Variants in POLQ observed in about 807,000 individuals in gnomAD.
POLQ encodes DNA polymerase theta.
Under a neutral mutation model 259.2 loss-of-function variants are expected in POLQ, and 233 were observed. That is an observed-to-expected ratio of 0.90 (90% confidence interval 0.81 to 1.00). POLQ has a LOEUF of 1.00. Among genes scored for constraint, POLQ ranks in the 50% least tolerant of loss-of-function variants. The probability of loss-of-function intolerance (pLI) is 0.00; values close to 1 mark genes in which losing one functional copy is unlikely to be tolerated. For missense variants in POLQ, 2,871 were observed against 3,051.6 expected (o/e 0.94, Z 1.39); for synonymous variants, 1,025 against 1,048.8 (o/e 0.98, Z 0.44).
chr3:121,531,253 T>C (rs2048410157), intron 6 of POLQ, among the ~76,000 whole-genome samples: 2 of 152,070 alleles, frequency 1.3e-5, no homozygotes, highest in South Asian at 2.1e-4. Context: ...ATAGAGACCA[T>C]GTAAGGGAGA....
intron 26 of POLQ, among the ~76,000 whole-genome samples, chr3:121,448,292 A>G (rs1251728128): frequency 6.6e-6 from 1 of 151,960 alleles, no homozygotes; most frequent in African/African-American, 2.4e-5. Context: ...TGCTATATTA[A>G]GAGACTCTGA....
In POLQ at chr3:121,432,179, A is replaced by C; in HGVS notation, c.*125T>G. The C allele has an allele frequency of 2.3e-6, 2 of 855,554 alleles. No individual in the cohort carries two copies. The highest frequency in any genetic ancestry group is 3.4e-6 in the Non-Finnish European group (2 of 586,808). 53.0% of individuals were successfully genotyped at this position (855,554 alleles called of 1,614,324 possible). On this transcript the variant is annotated 3_prime_UTR_variant, in exon 30 of 30. Transcript: ENST00000264233. ...AGTTTGAAACTCTCACTATAAAATT[A>C]CTAGGCTAAGTCTATCAAGACTTGA... is the stretch of plus-strand genomic sequence containing the variant.
At chr3:121,448,453 G>A (rs569624663) in intron 26 of POLQ, among the ~76,000 whole-genome samples, 19 of 151,774 alleles carry the variant, frequency 1.3e-4, no homozygotes, top group East Asian at 9.7e-4. Flanking sequence ...CTGCACCTCC[G>A]CCTCCCAGGT....
intron 24 of POLQ, among the ~76,000 whole-genome samples, chr3:121,462,599 C>T (rs938141606): frequency 9.9e-5 from 15 of 152,194 alleles, no homozygotes; most frequent in African/African-American, 4.8e-5. Context: ...CGCCAAAGAA[C>T]AGACACTGAA....
At chr3:121,529,570 G>A in intron 7 of POLQ, 75 bp downstream of exon 7, 1 of 1,365,066 alleles carries the variant, frequency 7.3e-7, no homozygotes, top group Non-Finnish European at 1.0e-6. Context: ...CCATGTTTTT[G>A]CTAATATAAT....
At chr3:121,507,137 GAAGGGAT>G (rs2048214561) in intron 12 of POLQ, among the ~76,000 whole-genome samples, 1 of 152,172 alleles carries the variant, frequency 6.6e-6, no homozygotes, top group Admixed American at 6.5e-5. Flanking sequence ...AAAAGGCATG[GAAGGGAT>G]GGATATAGGA....
intron 12 of POLQ, among the ~76,000 whole-genome samples, chr3:121,499,553 C>G (rs934852564): frequency 1.3e-5 from 2 of 152,126 alleles, no homozygotes; most frequent in African/African-American, 4.8e-5. Flanking sequence ...CTGCGCCCGG[C>G]CAGAACCTAA....
intron 9 of POLQ, among the ~76,000 whole-genome samples, chr3:121,518,688 C>T (rs1375437495): frequency 6.6e-6 from 1 of 152,146 alleles, no homozygotes; most frequent in African/African-American, 2.4e-5. Context: ...TATCCATTTC[C>T]CATCCACTTT....
intron 12 of POLQ, among the ~76,000 whole-genome samples, chr3:121,507,927 C>A (rs1209625084): frequency 6.6e-6 from 1 of 151,792 alleles, no homozygotes; most frequent in Non-Finnish European, 1.5e-5. Flanking sequence ...GATCATAGCT[C>A]ACTATAACCT....
At chr3:121,544,689 TC>T (rs780918610) in intron 2 of POLQ, 37 bp downstream of exon 2, 1 of 1,334,268 alleles carries the variant, frequency 7.5e-7, no homozygotes, top group Non-Finnish European at 1.1e-6. Context: ...TACATTCATA[TC>T]TTAAAAATAG....
intron 19 of POLQ, among the ~76,000 whole-genome samples, chr3:121,477,499 G>T (rs2047936315): frequency 6.6e-6 from 1 of 152,006 alleles, no homozygotes; most frequent in Non-Finnish European, 1.5e-5. Context: ...AACACTTCTG[G>T]TCCCACATTT....
chr3:121,499,244 A>C (rs530469271), intron 12 of POLQ, among the ~76,000 whole-genome samples: 2 of 151,162 alleles, frequency 1.3e-5, no homozygotes, highest in African/African-American at 2.4e-5. Context: ...AAGCATACAA[A>C]CTGGATTTTA....
chr3:121,523,120 ATCC>A (rs1026704751), intron 7 of POLQ, among the ~76,000 whole-genome samples: 17 of 152,094 alleles, frequency 1.1e-4, no homozygotes, highest in Middle Eastern at 3.4e-3. Context: ...GGCTCAAGCA[ATCC>A]TCCTACCTCA....
At chr3:121,470,800 A>G (rs974532247) in intron 22 of POLQ, among the ~76,000 whole-genome samples, 1 of 152,086 alleles carries the variant, frequency 6.6e-6, no homozygotes, top group East Asian at 1.9e-4. Context: ...CTATAGAGAC[A>G]TGGTTTTGAC....
intron 12 of POLQ, among the ~76,000 whole-genome samples, chr3:121,508,968 A>G (rs2048231209): frequency 1.3e-5 from 1 of 78,112 alleles, no homozygotes; most frequent in Non-Finnish European, 2.8e-5. Flanking sequence ...TCTAATATAA[A>G]CAAACTTAAA....
In POLQ at chr3:121,539,426, T is replaced by G. The variant is rs546818290; in HGVS notation, c.631+7A>C. 1 of 1,586,504 alleles carries G rather than the reference T, an allele frequency of 6.3e-7. No individual in the cohort carries two copies. Among genetic ancestry groups the G allele is most frequent in the Non-Finnish European group, 8.6e-7 (1 of 1,168,000 alleles). On this transcript the variant is annotated splice_region_variant and intron_variant, in intron 4 of 29. Coordinates refer to ENST00000264233, the MANE Select transcript of POLQ (RefSeq NM_199420.4). ...GAAAGTATTTACTTATTTTCTAACT[T>G]TCTTACCTAACAGATCCATCTTATT...
intron 25 of POLQ, among the ~76,000 whole-genome samples, chr3:121,454,852 GA>G (rs2047718262): frequency 6.6e-6 from 1 of 152,052 alleles, no homozygotes; most frequent in African/African-American, 2.4e-5. Context: ...GGATACCCAG[GA>G]ATTGAACTCA....
At position 121,489,306 on chromosome 3, in the gene POLQ, T is replaced by C. The variant is rs749100714; in HGVS notation, c.3625A>G (p.Lys1209Glu). The C allele has an allele frequency of 6.2e-7, 1 of 1,613,858 alleles. No homozygotes were observed. Among genetic ancestry groups the C allele is most frequent in the Non-Finnish European group, 8.5e-7 (1 of 1,179,862 alleles). The change falls in exon 16 of 30, where the codon AAA becomes GAA. Residue 1209 changes from lysine to glutamate, a missense_variant. By Grantham distance (56) the Lys-to-Glu change is moderately conservative. Coordinates refer to ENST00000264233, the MANE Select transcript of POLQ (RefSeq NM_199420.4). Reference sequence around the variant, plus strand: ...TGTCTCTCTATTATATTTTTCTGTTTGGTAATAGTGCTTGTCTGTTCATGA... The same window carrying C: ...TGTCTCTCTATTATATTTTTCTGTTCGGTAATAGTGCTTGTCTGTTCATGA... ...QSHEQTSTIT[K>E]QKNIIERQMP...
At chr3:121,471,065 A>G (rs964322515) in intron 22 of POLQ, among the ~76,000 whole-genome samples, 1 of 152,218 alleles carries the variant, frequency 6.6e-6, no homozygotes, top group African/African-American at 2.4e-5. Flanking sequence ...CCACCAATCT[A>G]AACTGCCTGC....
Sources: allele counts gnomAD v4.1 joint callset (sites outside exome capture counted in the v4.1 genomes callset), GRCh38; gene constraint gnomAD v4.1.1; transcripts MANE v1.5; gene names NCBI Gene and HGNC (gene_info 2026-07-23, HGNC 2026-07-21).